Variants in OCEL1 observed in about 807,000 individuals in gnomAD.
OCEL1 encodes the protein occludin/ELL domain-containing protein 1.
A neutral mutation model predicts 29.4 loss-of-function variants in OCEL1; 24 were observed. That is an observed-to-expected ratio of 0.82 (90% confidence interval 0.59 to 1.15). The LOEUF (loss-of-function observed/expected upper bound fraction) is 1.15. Among genes scored for constraint, OCEL1 ranks in the 50% most tolerant of loss-of-function variants. OCEL1 has a pLI of 0.00. For missense variants in OCEL1, 402 were observed against 352.5 expected (o/e 1.14, Z -1.13); for synonymous variants, 172 against 145.3 (o/e 1.18, Z -1.32).
chr19:17,227,059 G>A lies in OCEL1; in HGVS notation c.312G>A (p.Pro104=), dbSNP rs200135569. Residue 104 remains proline, a synonymous_variant, in exon 3 of 6, where the codon CCG becomes CCA. Coordinates refer to ENST00000215061, the MANE Select transcript of OCEL1 (RefSeq NM_024578.3). ...SAPRPPCQPQ[P]GPHKAKTKKI... is the part of the protein sequence containing the mutation. The stretch of plus-strand genomic sequence containing the variant: ...CCCGCCCTCCGTGCCAGCCCCAGCC[G>A]GGACCCCACAAGGCAAAGACCAAGA... 35 of 1,609,524 alleles carry A rather than the reference G, an allele frequency of 2.2e-5. No individual in the cohort carries two copies. The Admixed American group carries it at 5.7e-4, about 26-fold the overall frequency.
chr19:17,227,133 A>G lies in OCEL1; in HGVS notation c.386A>G (p.Lys129Arg), dbSNP rs2145556221. ...ELLSQALLGA[K>R]KPIGAIPKGH... ...CTCTCCCAGGCCCTCCTGGGCGCCA[A>G]GAAGCCTATTGGAGCCATCCCTAAG... The change falls in exon 3 of 6, where the codon AAG becomes AGG. Residue 129 changes from lysine to arginine, a missense_variant. By Grantham distance (26) the Lys-to-Arg change is conservative. Coordinates refer to ENST00000215061, the MANE Select transcript of OCEL1 (RefSeq NM_024578.3). 6.3e-7 allele frequency: 1 copy of G among 1,599,518 alleles called. No homozygotes were observed. Among genetic ancestry groups the G allele is most frequent in the South Asian group, 1.1e-5 (1 of 88,678 alleles).
intron 1 of OCEL1, 144 bp downstream of exon 1, chr19:17,226,460 A>G (rs2073360083): frequency 9.4e-7 from 1 of 1,058,664 alleles, no homozygotes; most frequent in East Asian, 2.6e-5. Flanking sequence ...AGCCGGTCCC[A>G]GGCTGCGCGG....
intron 1 of OCEL1, 57 bp from the exon 2 acceptor site, chr19:17,226,636 C>T (rs888670516): frequency 1.4e-6 from 2 of 1,410,698 alleles, no homozygotes; most frequent in African/African-American, 1.5e-5. Context: ...GAGCTGCCCG[C>T]GCGTCCTTTC....
chr19:17,227,224 C>CCTGGGATCAGGATT, intron 3 of OCEL1, 25 bp downstream of exon 3: 2 of 1,457,226 alleles, frequency 1.4e-6, no homozygotes. Context: ...TGTGATTCTT[C>CCTGGGATCAGGATT]ATGCCTGGGA....
Position 17,227,030 on chromosome 19 carries a change from G to C in OCEL1, c.283G>C (p.Ala95Pro). The change falls in exon 3 of 6, where the codon GCC becomes CCC. Residue 95 changes from alanine to proline, a missense_variant. Physicochemically the swap from Ala to Pro is conservative, Grantham distance 27. Transcript: ENST00000215061. ...GLAPRGLKTS[A>P]PRPPCQPQPG... Reference sequence around the variant, plus strand: ...GGCGCCCCGAGGCCTCAAAACCAGCGCCCCCCGCCCTCCGTGCCAGCCCCA... The same window carrying C: ...GGCGCCCCGAGGCCTCAAAACCAGCCCCCCCCGCCCTCCGTGCCAGCCCCA... The C allele has an allele frequency of 6.3e-7, 1 of 1,599,998 alleles. No individual in the cohort carries two copies. The highest frequency in any genetic ancestry group is 8.5e-7 in the Non-Finnish European group (1 of 1,176,330).
rs1225827849 is a variant in OCEL1 at position 17,226,334 on chromosome 19, C to T, written c.69+18C>T. On this transcript the variant is annotated intron_variant, in intron 1 of 5. Coordinates refer to ENST00000215061, the MANE Select transcript of OCEL1 (RefSeq NM_024578.3). ...TGGGACAGGTGACCCGGGGCGGTAGCGAGCCGGACGGCCTTGCAGGTGGGG... is the reference window on the plus strand; with the variant it reads ...TGGGACAGGTGACCCGGGGCGGTAGTGAGCCGGACGGCCTTGCAGGTGGGG... The T allele has an allele frequency of 6.2e-7, 1 of 1,608,100 alleles. No individual in the cohort carries two copies. Among genetic ancestry groups the T allele is most frequent in the Non-Finnish European group, 8.5e-7 (1 of 1,178,092 alleles).
intron 5 of OCEL1, 82 bp downstream of exon 5, chr19:17,228,391 T>TC (rs1483671259): frequency 7.9e-6 from 11 of 1,399,812 alleles, no homozygotes; most frequent in African/African-American, 1.5e-5. Flanking sequence ...TTTCTTTTTT[T>TC]TTTCTTTCTT....
intron 3 of OCEL1, 48 bp downstream of exon 3, chr19:17,227,247 C>A: frequency 7.0e-7 from 1 of 1,423,194 alleles, no homozygotes; most frequent in Non-Finnish European, 9.3e-7. Flanking sequence ...AGGAGAGGGG[C>A]ACTGAGGCTG....
At chr19:17,228,060 A>G (rs926810691) in intron 4 of OCEL1, 55 bp downstream of exon 4, 1 of 1,590,878 alleles carries the variant, frequency 6.3e-7, no homozygotes, top group Non-Finnish European at 8.6e-7. Flanking sequence ...GCCCGACCCA[A>G]GCCTCTGGGA....
intron 1 of OCEL1, 118 bp downstream of exon 1, chr19:17,226,434 C>T: frequency 1.6e-6 from 2 of 1,243,988 alleles, no homozygotes; most frequent in African/African-American, 1.5e-5. Context: ...GCTCCGGCAG[C>T]GCGGGGGTTA....
At chr19:17,228,124 C>T in intron 4 of OCEL1, 119 bp downstream of exon 4, 2 of 1,526,006 alleles carry the variant, frequency 1.3e-6, no homozygotes, top group Non-Finnish European at 1.8e-6. Context: ...TGGCTGGGCG[C>T]CGTGACACAT....
chr19:17,227,094 T>C lies in OCEL1; in HGVS notation c.347T>C (p.Phe116Ser), dbSNP rs768174600. The change falls in exon 3 of 6, where the codon TTT becomes TCT. Residue 116 changes from phenylalanine (F) to serine (S), a missense_variant. Coordinates refer to ENST00000215061, the MANE Select transcript of OCEL1 (RefSeq NM_024578.3). ...PHKAKTKKIV[F>S]EDELLSQALL... ...AAGGCAAAGACCAAGAAGATTGTGTTTGAGGATGAGTTGCTCTCCCAGGCC... is the reference window on the plus strand; with the variant it reads ...AAGGCAAAGACCAAGAAGATTGTGTCTGAGGATGAGTTGCTCTCCCAGGCC... The C allele has an allele frequency of 6.8e-6, 11 of 1,608,566 alleles. No individual in the cohort carries two copies. Among genetic ancestry groups the C allele is most frequent in the African/African-American group, 6.7e-5 (5 of 74,238 alleles).
At chr19:17,228,125 C>T (rs1041808289) in intron 4 of OCEL1, 120 bp downstream of exon 4, 30 of 1,526,060 alleles carry the variant, frequency 2.0e-5, no homozygotes, top group Admixed American at 1.7e-4. Context: ...GGCTGGGCGC[C>T]GTGACACATG....
Position 17,226,327 on chromosome 19 carries a change from G to GT in OCEL1, c.69+11_69+12insT. 1 of 1,609,838 alleles carries GT rather than the reference G, an allele frequency of 6.2e-7. No individual in the cohort carries two copies. The highest frequency in any genetic ancestry group is 1.1e-5 in the South Asian group (1 of 90,324). ...CAGACGCTGGGACAGGTGACCCGGG[G>GT]CGGTAGCGAGCCGGACGGCCTTGCA... On this transcript the variant is annotated intron_variant, in intron 1 of 5. Coordinates refer to ENST00000215061, the MANE Select transcript of OCEL1 (RefSeq NM_024578.3).
At position 17,227,137 on chromosome 19, in the gene OCEL1, G is replaced by A. The variant is rs752707994; in HGVS notation, c.390G>A (p.Lys130=). The A allele has an allele frequency of 3.8e-6, 6 of 1,594,474 alleles. No homozygotes were observed. The highest frequency in any genetic ancestry group is 2.3e-5 in the South Asian group (2 of 87,894). ...CCCAGGCCCTCCTGGGCGCCAAGAA[G>A]CCTATTGGAGCCATCCCTAAGGGGC... ...LLSQALLGAK[K]PIGAIPKGHK... The change falls in exon 3 of 6, where the codon AAG becomes AAA. Residue 130 remains lysine, a synonymous_variant. Coordinates refer to ENST00000215061, the MANE Select transcript of OCEL1 (RefSeq NM_024578.3).
intron 4 of OCEL1, 114 bp downstream of exon 4, chr19:17,228,119 G>A: frequency 2.0e-6 from 3 of 1,533,606 alleles, no homozygotes; most frequent in Non-Finnish European, 2.7e-6. Flanking sequence ...TCGGTTGGCT[G>A]GGCGCCGTGA....
chr19:17,226,263 G>A lies in OCEL1; in HGVS notation c.16G>A (p.Gly6Arg), dbSNP rs1465670454. 3.1e-6 allele frequency: 5 copies of A among 1,611,752 alleles called. No homozygotes were observed. Among genetic ancestry groups the A allele is most frequent in the Non-Finnish European group, 4.2e-6 (5 of 1,179,364 alleles). Residue 6 changes from glycine (G) to arginine (R), a missense_variant, in exon 1 of 6, where the codon GGA becomes AGA. Gly to Arg is a moderately radical substitution (Grantham distance 125). Coordinates refer to ENST00000215061, the MANE Select transcript of OCEL1 (RefSeq NM_024578.3). MHNPD[G>R]SASPTADPGS... is the part of the protein sequence containing the mutation. The stretch of plus-strand genomic sequence containing the variant: ...CCTGCAGTAAATGCACAACCCGGAC[G>A]GAAGTGCCTCTCCGACAGCAGATCC...
chr19:17,226,441 G>A, intron 1 of OCEL1, 125 bp downstream of exon 1: 3 of 1,181,648 alleles, frequency 2.5e-6, no homozygotes, highest in East Asian at 2.6e-5. Context: ...CAGCGCGGGG[G>A]TTAACTCGAG....
intron 3 of OCEL1, 68 bp from the exon 4 acceptor site, chr19:17,227,772 A>G: frequency 6.4e-7 from 1 of 1,551,616 alleles, no homozygotes; most frequent in Non-Finnish European, 8.8e-7. Flanking sequence ...AAGAAAAGCA[A>G]ATTACACTGA....
Sources: allele counts gnomAD v4.1 joint callset, GRCh38; gene constraint gnomAD v4.1.1; transcripts MANE v1.5; gene names NCBI Gene and HGNC (gene_info 2026-07-23, HGNC 2026-07-21).